Variants in FOXK2 observed in about 807,000 individuals in gnomAD.
FOXK2 encodes forkhead box protein K2.
In FOXK2, 24 loss-of-function variants were observed where a neutral mutation model predicts 53.3. The ratio of observed to expected loss-of-function variants is 0.45; its 90% CI spans 0.33 to 0.63. The LOEUF (loss-of-function observed/expected upper bound fraction) is 0.63. FOXK2 is among the 30% of genes least tolerant of loss of function. The pLI, the probability that FOXK2 is intolerant of heterozygous loss-of-function variation, is 0.03. For missense variants in FOXK2, 952 were observed against 910.5 expected (o/e 1.05, Z -0.59); for synonymous variants, 505 against 407.1 (o/e 1.24, Z -2.89).
intron 6 of FOXK2, among the ~76,000 whole-genome samples, chr17:82,584,549 CTTTTTTTTT>C (rs34083156): frequency 0.33 from 29,600 of 90,342 alleles, 4,072 homozygotes; most frequent in Admixed American, 0.43. Context: ...AAAACATGTC[CTTTTTTTTT>C]TTTTTTTTTT....
chr17:82,597,183 TC>T (rs758841139), intron 8 of FOXK2, among the ~76,000 whole-genome samples: 3 of 152,176 alleles, frequency 2.0e-5, no homozygotes, highest in Non-Finnish European at 4.4e-5. Flanking sequence ...GGATGGTCCT[TC>T]CTGGCACCAT....
intron 1 of FOXK2, among the ~76,000 whole-genome samples, chr17:82,534,471 T>C (rs1363151325): frequency 1.3e-5 from 2 of 152,222 alleles, no homozygotes; most frequent in East Asian, 3.8e-4. Flanking sequence ...GTGCTGCTCT[T>C]CTGCTTCTCC....
At chr17:82,576,876 C>T in intron 4 of FOXK2, 1 of 499,474 alleles carries the variant, frequency 2.0e-6, no homozygotes, top group Non-Finnish European at 3.6e-6. Context: ...AAAATGTATG[C>T]AGGCTGGGTG....
intron 1 of FOXK2, among the ~76,000 whole-genome samples, chr17:82,520,556 G>A (rs1243306350): frequency 6.6e-6 from 1 of 152,248 alleles, no homozygotes; most frequent in Non-Finnish European, 1.5e-5. Context: ...CTGGAGCCGG[G>A]GCTGCGGGCG....
chr17:82,558,996 A>C (rs964293246), intron 1 of FOXK2, among the ~76,000 whole-genome samples: 15 of 151,914 alleles, frequency 9.9e-5, no homozygotes, highest in African/African-American at 3.6e-4. Flanking sequence ...TGATCTGCCC[A>C]ACTTGGTCTC....
At chr17:82,546,240 T>C (rs1599888399) in intron 1 of FOXK2, among the ~76,000 whole-genome samples, 1 of 150,714 alleles carries the variant, frequency 6.6e-6, no homozygotes, top group South Asian at 2.1e-4. Flanking sequence ...CCTCAGCCTC[T>C]TGAGGAGCTG....
At chr17:82,574,689 C>CT in intron 4 of FOXK2, among the ~76,000 whole-genome samples, 1 of 152,318 alleles carries the variant, frequency 6.6e-6, no homozygotes, top group Admixed American at 6.5e-5. Context: ...CTCACGGGCT[C>CT]TTCCTGTGCC....
chr17:82,584,348 G>C (rs1036553088), intron 6 of FOXK2, among the ~76,000 whole-genome samples, 160 bp downstream of exon 6: 2 of 151,844 alleles, frequency 1.3e-5, no homozygotes, highest in African/African-American at 4.8e-5. Flanking sequence ...AATAGCACTG[G>C]GAGTGTTTTT....
In FOXK2 at chr17:82,571,886, T is replaced by C; in HGVS notation, c.909+16T>C. ...GGGCTGGCAGGTAAATGCCTTCAGT[T>C]TGTTGTTAAATAGAGGCTGATGGAT... On this transcript the variant is annotated intron_variant, in intron 4 of 8. Coordinates refer to ENST00000335255, the MANE Select transcript of FOXK2 (RefSeq NM_004514.4). 6.5e-7 allele frequency: 1 copy of C among 1,537,518 alleles called. No homozygotes were observed.
At chr17:82,534,355 C>G (rs1417413355) in intron 1 of FOXK2, among the ~76,000 whole-genome samples, 8 of 152,200 alleles carry the variant, frequency 5.3e-5, no homozygotes, top group Non-Finnish European at 1.2e-4. Flanking sequence ...TAATGTGTGT[C>G]AGGGCACATG....
intron 1 of FOXK2, among the ~76,000 whole-genome samples, chr17:82,523,029 G>T (rs569994756): frequency 2.0e-5 from 3 of 151,388 alleles, no homozygotes; most frequent in Non-Finnish European, 2.9e-5. Context: ...TCCTGACCTC[G>T]TGATCCACCC....
intron 1 of FOXK2, among the ~76,000 whole-genome samples, chr17:82,556,247 C>T (rs2144101797): frequency 6.6e-6 from 1 of 152,114 alleles, no homozygotes; most frequent in African/African-American, 2.4e-5. Context: ...AGATTGAGAC[C>T]ATCCTGGACA....
chr17:82,593,098 C>A (rs962631517), intron 8 of FOXK2, among the ~76,000 whole-genome samples: 1 of 144,232 alleles, frequency 6.9e-6, no homozygotes, highest in African/African-American at 2.6e-5. Context: ...CTCCCTGCGC[C>A]GGGCACAGGC....
chr17:82,519,783 C>T lies in FOXK2; in HGVS notation c.-106C>T, dbSNP rs1017783921. 3 of 320,884 alleles carry T rather than the reference C, an allele frequency of 9.3e-6. No homozygotes were observed. Among genetic ancestry groups the T allele is most frequent in the East Asian group, 1.7e-4 (1 of 5,724 alleles). The allele number at this position is 320,884 out of a possible 1,614,324, so 19.9% of individuals were successfully genotyped here. On this transcript the variant is annotated 5_prime_UTR_variant, in exon 1 of 9. Transcript: ENST00000335255. ...CCGGCCGGCGGCCTCCGCTCGGCCC[C>T]CTCCCTCAGCTCCGGTGCGCGGCGG...
chr17:82,520,647 G>T (rs914079222), intron 1 of FOXK2, among the ~76,000 whole-genome samples: 1 of 152,224 alleles, frequency 6.6e-6, no homozygotes, highest in Non-Finnish European at 1.5e-5. Flanking sequence ...CAGCGAGGTC[G>T]CGCTGAACAG....
intron 8 of FOXK2, among the ~76,000 whole-genome samples, chr17:82,596,452 G>A (rs2045311814): frequency 6.3e-5 from 1 of 15,880 alleles, no homozygotes; most frequent in Non-Finnish European, 3.2e-4. Context: ...CCTCAGAGGT[G>A]GCGTCAGGAC....
chr17:82,519,942 C>T lies in FOXK2; in HGVS notation c.54C>T (p.Gly18=). 4 of 820,226 alleles carry T rather than the reference C, an allele frequency of 4.9e-6. No homozygotes were observed. Among genetic ancestry groups the T allele is most frequent in the Non-Finnish European group, 5.8e-6 (4 of 689,882 alleles). 50.8% of individuals were successfully genotyped at this position (820,226 alleles called of 1,614,324 possible). The change falls in exon 1 of 9, where the codon GGC becomes GGT. Residue 18 remains glycine, a synonymous_variant. Transcript: ENST00000335255. The stretch of plus-strand genomic sequence containing the variant: ...GCGCGGGCACGCCACCCGCGGGCGG[C>T]GGGGCCGGGGGCGGCGGGGCCGGGG... ...LSGAGTPPAG[G]GAGGGGAGGG... is the part of the protein sequence containing the mutation.
rs10615625 is a variant in FOXK2 at position 82,603,719 on chromosome 17, GTTTT to G, written c.*2235_*2238del. The stretch of plus-strand genomic sequence containing the variant: ...CAAATGGTAAAGAAGGGAGGAGGGT[GTTTT>G]TTTTTTTTTTTTTTGCCGTAGGCAC... On this transcript the variant is annotated 3_prime_UTR_variant, in exon 9 of 9. Coordinates refer to ENST00000335255, the MANE Select transcript of FOXK2 (RefSeq NM_004514.4). 1,697 of 138,698 alleles carry G rather than the reference GTTTT, an allele frequency of 0.012. 11 individuals carry two copies. The highest frequency in any genetic ancestry group is 0.033 in the South Asian group (145 of 4,364). 8.6% of individuals were successfully genotyped at this position (138,698 alleles called of 1,614,324 possible). A position where few individuals can be genotyped will look rare whatever the true frequency, so the allele number is the denominator to read the frequency against.
At chr17:82,571,415 A>T (rs955329268) in intron 3 of FOXK2, among the ~76,000 whole-genome samples, 2 of 152,154 alleles carry the variant, frequency 1.3e-5, no homozygotes, top group Non-Finnish European at 2.9e-5. Flanking sequence ...GGCCTGGCCA[A>T]CATGGTGAAA....
Sources: gnomAD v4.1 joint callset for allele counts (sites outside exome capture counted in the v4.1 genomes callset) on GRCh38, gnomAD v4.1.1 for gene constraint, MANE v1.5 for transcripts, NCBI Gene and HGNC (gene_info 2026-07-23, HGNC 2026-07-21) for gene names.